The following CENPO variants were observed in gnomAD, a reference collection of about 807,000 sequenced individuals.
CENPO encodes centromere protein O.
A neutral mutation model predicts 36.1 loss-of-function variants in CENPO; 30 were observed. That is an observed-to-expected ratio of 0.83 (90% confidence interval 0.62 to 1.13). CENPO has a LOEUF of 1.13. Ranked by LOEUF, CENPO falls within the 50% of genes most tolerant of loss-of-function variation. The pLI is 0.00. For missense variants in CENPO, 349 were observed against 357.8 expected, an observed-to-expected ratio of 0.98 and a Z score of 0.20; for synonymous variants, 171 against 142.3, an observed-to-expected ratio of 1.20 and a Z score of -1.44.
rs10174476 is a variant in CENPO, at chr2:24,821,997, G to A, written c.*2679G>A. ...GATAAGCACTGGAGGGGGATGACCC[G>A]CCTTGGACGTGTTTCTTTAACCTCA... On this transcript the variant is annotated 3_prime_UTR_variant, in exon 8 of 8. Coordinates refer to ENST00000380834, the MANE Select transcript of CENPO (RefSeq NM_001322101.2). 1,830 of 242,862 alleles carry A rather than the reference G, an allele frequency of 7.5e-3. 37 individuals are homozygous for A. Among genetic ancestry groups the A allele is most frequent in the African/African-American group, 0.037 (1,652 of 44,516 alleles). The allele number at this position is 242,862 out of a possible 1,614,324, so 15.0% of individuals were successfully genotyped here.
chr2:24,801,843 G>T (rs1666179271), intron 3 of CENPO, among the ~76,000 whole-genome samples: 1 of 152,158 alleles, frequency 6.6e-6, no homozygotes, highest in African/African-American at 2.4e-5. Context: ...TTTTAAAGTA[G>T]TTTTTTCCAA....
At position 24,821,167 on chromosome 2, in the gene CENPO, G is replaced by C; in HGVS notation, c.*1849G>C. Reference sequence around the variant, plus strand: ...TACCCCCTCAGTAGAAGCAGCAGGTGATCTTAACTCCTTTCAAAGAGCAGG... The same window carrying C: ...TACCCCCTCAGTAGAAGCAGCAGGTCATCTTAACTCCTTTCAAAGAGCAGG... On this transcript the variant is annotated 3_prime_UTR_variant, in exon 8 of 8. Transcript: ENST00000380834. The C allele has an allele frequency of 2.3e-6, 1 of 438,458 alleles. No individual in the cohort carries two copies. Among genetic ancestry groups the C allele is most frequent in the Non-Finnish European group, 4.1e-6 (1 of 243,414 alleles). The allele number at this position is 438,458 out of a possible 1,614,324, so 27.2% of individuals were successfully genotyped here. A position where few individuals can be genotyped will look rare whatever the true frequency, so the allele number is the denominator to read the frequency against.
chr2:24,796,127 G>A (rs553192701), intron 2 of CENPO, among the ~76,000 whole-genome samples: 8 of 152,052 alleles, frequency 5.3e-5, no homozygotes, highest in South Asian at 2.1e-4. Flanking sequence ...AGGCCAAAGC[G>A]GGTGGATCAC....
rs1182281324 is a variant in CENPO, at chr2:24,810,490, G to A, written c.217-3886G>A. 1.5e-4 allele frequency among the ~76,000 whole-genome samples: 22 copies of A among 147,620 alleles called. No homozygotes were observed. The Admixed American group carries it at 1.5e-3, about 10-fold the overall frequency. ...TACAATAGTAACTTTTTTGGTTAAC[G>A]TTTGCAGGTTAAGGTTTTTTTTTTT... On this transcript the variant is annotated intron_variant, in intron 3 of 7. Coordinates refer to ENST00000380834, the MANE Select transcript of CENPO (RefSeq NM_001322101.2).
Position 24,820,066 on chromosome 2 carries a change from C to G in CENPO, c.*748C>G, listed in dbSNP as rs771976936. The G allele has an allele frequency of 1.9e-6, 3 of 1,580,888 alleles. No individual in the cohort carries two copies. The highest frequency in any genetic ancestry group is 2.6e-6 in the Non-Finnish European group (3 of 1,163,104). On this transcript the variant is annotated 3_prime_UTR_variant, in exon 8 of 8. Transcript: ENST00000380834. ...TTCACAAAGATGGGGCCTCGCCTCA[C>G]AAAGCGGAAGCCGTACTCTCGGAGG... is the stretch of plus-strand genomic sequence containing the variant.
chr2:24,816,039 T>C (rs1208667889), intron 5 of CENPO: 4 of 418,632 alleles, frequency 9.6e-6, no homozygotes, highest in African/African-American at 8.0e-5. Flanking sequence ...TGCTATACTT[T>C]TGATCCATCA....
chr2:24,793,457 T>G lies in CENPO; in HGVS notation c.-113T>G, dbSNP rs778858550. On this transcript the variant is annotated 5_prime_UTR_variant, in exon 1 of 8. Transcript: ENST00000380834. Reference sequence around the variant, plus strand: ...CAAAGCACGCCGGGACCGGTTGGTTTGGTTTTGAAGACGTGGATGGCGGGA... The same window carrying G: ...CAAAGCACGCCGGGACCGGTTGGTTGGGTTTTGAAGACGTGGATGGCGGGA... The G allele has an allele frequency of 2.1e-5, 33 of 1,605,400 alleles. 1 individual carries two copies. In the East Asian group the frequency reaches 7.4e-4, roughly 36 times the overall value.
intron 3 of CENPO, 21 bp downstream of exon 3, chr2:24,799,865 A>C: frequency 1.2e-6 from 2 of 1,611,388 alleles, no homozygotes; most frequent in Non-Finnish European, 1.7e-6. Flanking sequence ...GGGTGGTATC[A>C]GCAGTTCCTT....
At chr2:24,794,542 T>C (rs1190180287) in intron 2 of CENPO, among the ~76,000 whole-genome samples, 1 of 152,244 alleles carries the variant, frequency 6.6e-6, no homozygotes, top group Non-Finnish European at 1.5e-5. Context: ...ATAGGAAATA[T>C]TCAATGAAAG....
chr2:24,793,547 G>A (rs1250087222), intron 1 of CENPO, 46 bp downstream of exon 1: 2 of 1,527,714 alleles, frequency 1.3e-6, no homozygotes, highest in Non-Finnish European at 1.8e-6. Context: ...TTGTCGGACC[G>A]GACCGTGGCC....
At position 24,822,174 on chromosome 2, in the gene CENPO, G is replaced by C. The variant is rs992821754; in HGVS notation, c.*2856G>C. On this transcript the variant is annotated 3_prime_UTR_variant, in exon 8 of 8. Coordinates refer to ENST00000380834, the MANE Select transcript of CENPO (RefSeq NM_001322101.2). ...TAGCTTAACAAAAGAACAGGCTGCCGTCAGCCAGAGTTCTGAAGGCCATGC... is the reference window on the plus strand; with the variant it reads ...TAGCTTAACAAAAGAACAGGCTGCCCTCAGCCAGAGTTCTGAAGGCCATGC... 2.3e-5 allele frequency: 5 copies of C among 217,992 alleles called. No individual in the cohort carries two copies. The highest frequency in any genetic ancestry group is 4.6e-5 in the Non-Finnish European group (5 of 109,702). The allele number at this position is 217,992 out of a possible 1,614,324, so 13.5% of individuals were successfully genotyped here.
chr2:24,814,403 C>T lies in CENPO; in HGVS notation c.244C>T (p.Pro82Ser), dbSNP rs1666843473. 6.3e-7 allele frequency: 1 copy of T among 1,599,520 alleles called. No individual in the cohort carries two copies. Among genetic ancestry groups the T allele is most frequent in the Non-Finnish European group, 8.6e-7 (1 of 1,166,714 alleles). The change falls in exon 4 of 8, where the codon CCC becomes TCC. Residue 82 changes from proline (P) to serine (S), a missense_variant. Physicochemically the swap from Pro to Ser is moderately conservative, Grantham distance 74 (BLOSUM62 -1). Coordinates refer to ENST00000380834, the MANE Select transcript of CENPO (RefSeq NM_001322101.2). Reference protein sequence around the residue: ...SVKACIANVEPNQTVEINEQE... With the variant: ...SVKACIANVESNQTVEINEQE... ...GAAAGCATGTATTGCCAATGTAGAA[C>T]CCAACCAAACAGTGGAGATCAATGA...
At chr2:24,804,465 C>T (rs1472925379) in intron 3 of CENPO, among the ~76,000 whole-genome samples, 12 of 152,070 alleles carry the variant, frequency 7.9e-5, no homozygotes, top group Admixed American at 2.0e-4. Context: ...TGGCTGGTAC[C>T]GGTTGTTCCT....
At chr2:24,806,569 T>C (rs1666416415) in intron 3 of CENPO, among the ~76,000 whole-genome samples, 1 of 152,182 alleles carries the variant, frequency 6.6e-6, no homozygotes, top group South Asian at 2.1e-4. Flanking sequence ...GTTACCTCAA[T>C]CATATACATA....
chr2:24,811,900 C>T (rs1666710550), intron 3 of CENPO, among the ~76,000 whole-genome samples: 1 of 152,164 alleles, frequency 6.6e-6, no homozygotes. Flanking sequence ...CTGGCAAGTC[C>T]ATGAACTTTT....
Position 24,821,017 on chromosome 2 carries a change from T to G in CENPO, c.*1699T>G. On this transcript the variant is annotated 3_prime_UTR_variant, in exon 8 of 8. Coordinates refer to ENST00000380834, the MANE Select transcript of CENPO (RefSeq NM_001322101.2). ...GAGGGTGGAAATCACATCTCCTGTT[T>G]ATCCGTGTGCTTGTTAGGTGTCAGC... 3.1e-6 allele frequency: 3 copies of G among 966,290 alleles called. No individual in the cohort carries two copies. Among genetic ancestry groups the G allele is most frequent in the Non-Finnish European group, 3.0e-6 (2 of 672,192 alleles). The allele number at this position is 966,290 out of a possible 1,614,324, so 59.9% of individuals were successfully genotyped here.
chr2:24,798,627 A>G (rs535036654), intron 2 of CENPO, among the ~76,000 whole-genome samples: 188 of 151,966 alleles, frequency 1.2e-3, no homozygotes, highest in African/African-American at 4.4e-3. Context: ...CACCCGGCTA[A>G]TTTTTTGTGT....
At chr2:24,799,560 C>A in intron 2 of CENPO, 115 bp from the exon 3 acceptor site, 1 of 778,632 alleles carries the variant, frequency 1.3e-6, no homozygotes, top group Non-Finnish European at 2.0e-6. Context: ...TTCAGCTGGC[C>A]ACAAAGTTCT....
rs1572761173 is a variant in CENPO, at chr2:24,820,455, A to G, written c.*1137A>G. On this transcript the variant is annotated 3_prime_UTR_variant, in exon 8 of 8. Transcript: ENST00000380834. Reference sequence around the variant, plus strand: ...GGAGCTTTTCTGCCAGACGCCACTGAGACAGATCACAAGGTATTAGAAGGT... The same window carrying G: ...GGAGCTTTTCTGCCAGACGCCACTGGGACAGATCACAAGGTATTAGAAGGT... 3 of 1,331,344 alleles carry G rather than the reference A, an allele frequency of 2.3e-6. No individual in the cohort carries two copies. Among genetic ancestry groups the G allele is most frequent in the Non-Finnish European group, 1.9e-6 (2 of 1,043,620 alleles). The allele number at this position is 1,331,344 out of a possible 1,614,324, so 82.5% of individuals were successfully genotyped here.
Sources: gnomAD v4.1 joint callset for allele counts (sites outside exome capture counted in the v4.1 genomes callset) on GRCh38, gnomAD v4.1.1 for gene constraint, MANE v1.5 for transcripts, NCBI Gene and HGNC (gene_info 2026-07-23, HGNC 2026-07-21) for gene names.